The following APBA1 variants were observed in gnomAD, a reference collection of about 807,000 sequenced individuals.
APBA1 encodes the protein amyloid-beta A4 precursor protein-binding family A member 1.
Under a neutral mutation model 86.6 loss-of-function variants are expected in APBA1, and 55 were observed. The observed-to-expected ratio is 0.64, with a 90% confidence interval of 0.51 to 0.80. The LOEUF is 0.80. Ranked by LOEUF, APBA1 falls within the 30% of genes least tolerant of loss-of-function variation. The probability of loss-of-function intolerance (pLI) is 0.00; values close to 1 mark genes in which losing one functional copy is unlikely to be tolerated. For missense variants in APBA1, 1,090 were observed against 1,183.0 expected (o/e 0.92, Z 1.15); for synonymous variants, 511 against 493.9 (o/e 1.03, Z -0.46).
intron 1 of APBA1, among the ~76,000 whole-genome samples, chr9:69,588,025 C>A (rs1478886395): frequency 7.8e-3 from 824 of 106,256 alleles, no homozygotes; most frequent in Middle Eastern, 9.4e-3. Flanking sequence ...GACTCTGTCT[C>A]AAAAAAAAAA....
intron 4 of APBA1, among the ~76,000 whole-genome samples, chr9:69,471,075 C>T (rs1835359523): frequency 1.3e-5 from 2 of 152,088 alleles, no homozygotes; most frequent in South Asian, 4.1e-4. Flanking sequence ...CTCTTGATGC[C>T]TCAGTTGTCT....
At chr9:69,460,882 A>C (rs1325237208) in intron 5 of APBA1, 1 of 152,126 alleles carries the variant, frequency 6.6e-6, no homozygotes, top group East Asian at 1.9e-4. Context: ...GGCATGTGCC[A>C]CCACACCCAG....
intron 1 of APBA1, among the ~76,000 whole-genome samples, chr9:69,577,086 A>G (rs1821817398): frequency 6.6e-6 from 1 of 152,190 alleles, no homozygotes; most frequent in African/African-American, 2.4e-5. Flanking sequence ...CAGGGTAATT[A>G]GCATATCCAT....
chr9:69,541,263 A>AT (rs1270716064), intron 1 of APBA1, among the ~76,000 whole-genome samples: 1 of 91,964 alleles, frequency 1.1e-5, no homozygotes, highest in Non-Finnish European at 2.5e-5. Context: ...CCCCCCCCCC[A>AT]TTCTGTTTTC....
chr9:69,491,764 A>ATT (rs151248069), intron 2 of APBA1, among the ~76,000 whole-genome samples: 6 of 132,446 alleles, frequency 4.5e-5, no homozygotes, highest in East Asian at 2.2e-4. Context: ...TATCCCTTGA[A>ATT]TTTTTTTTTT....
chr9:69,463,117 C>T (rs1018693020), intron 5 of APBA1: 1 of 152,158 alleles, frequency 6.6e-6, no homozygotes, highest in Non-Finnish European at 1.5e-5. Context: ...TGACAGATGT[C>T]TTCTAATTCT....
At chr9:69,436,137 A>C (rs1041292072) in intron 11 of APBA1, among the ~76,000 whole-genome samples, 3 of 149,806 alleles carry the variant, frequency 2.0e-5, no homozygotes, top group Admixed American at 1.3e-4. Flanking sequence ...CCATTGGTCT[A>C]TATCTCTGTT....
chr9:69,476,195 A>C, intron 2 of APBA1, 52 bp from the exon 3 acceptor site: 1 of 1,380,160 alleles, frequency 7.2e-7, no homozygotes. Context: ...CTCGGCAGAC[A>C]CTTGGCTGGG....
chr9:69,460,263 C>G (rs1835168575), intron 5 of APBA1, among the ~76,000 whole-genome samples: 1 of 152,222 alleles, frequency 6.6e-6, no homozygotes, highest in Admixed American at 6.5e-5. Flanking sequence ...CATGAGTTCA[C>G]AGTGAATAGT....
intron 1 of APBA1, among the ~76,000 whole-genome samples, chr9:69,567,606 T>A (rs535172291): frequency 6.6e-6 from 1 of 152,072 alleles, no homozygotes; most frequent in East Asian, 1.9e-4. Flanking sequence ...CGGTGTGTGA[T>A]GTCCCCCTTC....
chr9:69,515,003 A>T (rs936065236), intron 2 of APBA1, among the ~76,000 whole-genome samples: 8 of 152,352 alleles, frequency 5.3e-5, no homozygotes, highest in African/African-American at 1.9e-4. Context: ...CCCATCCCAG[A>T]TCTTCAAGGG....
At chr9:69,525,182 T>A (rs781735712) in intron 1 of APBA1, among the ~76,000 whole-genome samples, 3 of 152,174 alleles carry the variant, frequency 2.0e-5, no homozygotes, top group Non-Finnish European at 4.4e-5. Flanking sequence ...AAGGCAAGGA[T>A]GCCCACCGTC....
chr9:69,574,391 G>C (rs1482051501), intron 1 of APBA1, among the ~76,000 whole-genome samples: 2 of 151,968 alleles, frequency 1.3e-5, no homozygotes, highest in Non-Finnish European at 2.9e-5. Flanking sequence ...ACCTTTCTTC[G>C]CAAACAACTT....
At chr9:69,622,156 G>T (rs1272804565) in intron 1 of APBA1, among the ~76,000 whole-genome samples, 4 of 152,210 alleles carry the variant, frequency 2.6e-5, no homozygotes, top group Non-Finnish European at 5.9e-5. Flanking sequence ...CCATATGTGA[G>T]ATCTATGGAT....
At chr9:69,492,934 C>T (rs1411285295) in intron 2 of APBA1, among the ~76,000 whole-genome samples, 1 of 151,976 alleles carries the variant, frequency 6.6e-6, no homozygotes. Flanking sequence ...AGAGTTTTGC[C>T]AAATCCATCT....
At chr9:69,620,818 A>T (rs1431220496) in intron 1 of APBA1, among the ~76,000 whole-genome samples, 1 of 152,170 alleles carries the variant, frequency 6.6e-6, no homozygotes, top group African/African-American at 2.4e-5. Context: ...TGGAGATGCC[A>T]TGGAGGGAGG....
intron 1 of APBA1, among the ~76,000 whole-genome samples, chr9:69,592,033 T>C (rs539314086): frequency 1.3e-5 from 2 of 152,326 alleles, no homozygotes; most frequent in South Asian, 4.1e-4. Context: ...GGATGGGTGC[T>C]TTTACTCACA....
At chr9:69,455,472 T>C (rs1243068344) in intron 8 of APBA1, among the ~76,000 whole-genome samples, 5 of 152,156 alleles carry the variant, frequency 3.3e-5, no homozygotes, top group African/African-American at 9.7e-5. Flanking sequence ...CAGCTTGGGT[T>C]ACAACCCTGA....
chr9:69,654,956 C>T (rs757171179), intron 1 of APBA1, among the ~76,000 whole-genome samples: 7 of 152,024 alleles, frequency 4.6e-5, no homozygotes, highest in Non-Finnish European at 7.4e-5. Context: ...GGGTAAAAAC[C>T]GTATGATCAT....
Sources: gnomAD v4.1 joint callset for allele counts (sites outside exome capture counted in the v4.1 genomes callset) on GRCh38, gnomAD v4.1.1 for gene constraint, MANE v1.5 for transcripts, NCBI Gene and HGNC (gene_info 2026-07-23, HGNC 2026-07-21) for gene names.